The following TNFSF8 variants were observed in gnomAD, a reference collection of about 807,000 sequenced individuals.
TNFSF8 encodes the protein tumor necrosis factor ligand superfamily member 8.
In TNFSF8, 4 loss-of-function variants were observed where a neutral mutation model predicts 22.0. The observed-to-expected ratio is 0.18, with a 90% CI of 0.09 to 0.42. The LOEUF (loss-of-function observed/expected upper bound fraction) is 0.42, where lower values mean the gene tolerates loss of function less well. Ranked by LOEUF, TNFSF8 falls within the 10% of genes least tolerant of loss-of-function variation. The pLI, the probability that TNFSF8 is intolerant of heterozygous loss-of-function variation, is 1.00. For synonymous variants in TNFSF8, 106 were observed against 112.5 expected (o/e 0.94, Z 0.37); for missense variants, 233 against 281.8 (o/e 0.83, Z 1.24).
Position 114,904,409 on chromosome 9 carries a change from C to G in TNFSF8, c.311-84G>C, listed in dbSNP as rs1395796434. On this transcript the variant is annotated intron_variant, in intron 3 of 3. Coordinates refer to ENST00000223795, the MANE Select transcript of TNFSF8 (RefSeq NM_001244.4). ...AATTCTAAGTCTTTGTTCAAAGTTT[C>G]CCATTCAAGACCCATGTTTTCTGTA... 6.0e-6 allele frequency: 9 copies of G among 1,506,184 alleles called. 1 individual carries two copies. Among genetic ancestry groups the G allele is most frequent in the Non-Finnish European group, 7.1e-6 (8 of 1,131,420 alleles). The allele number at this position is 1,506,184 out of a possible 1,614,324, so 93.3% of individuals were successfully genotyped here.
chr9:114,903,985 G>C lies in TNFSF8; in HGVS notation c.651C>G (p.Ser217Arg), dbSNP rs748764288. 4 of 1,614,038 alleles carry C rather than the reference G, an allele frequency of 2.5e-6. No homozygotes were observed. Among genetic ancestry groups the C allele is most frequent in the African/African-American group, 2.7e-5 (2 of 75,052 alleles). Residue 217 changes from serine to arginine, a missense_variant, in exon 4 of 4, where the codon AGC becomes AGG. Transcript: ENST00000223795. Reference sequence around the variant, plus strand: ...ACAACACATTCTCAAGAGGAAAGGTGCTTGTATCTATGTACTGGAATGTAT... The same window carrying C: ...ACAACACATTCTCAAGAGGAAAGGTCCTTGTATCTATGTACTGGAATGTAT... ...NVDTFQYIDTSTFPLENVLSI... is the reference protein window; with the variant it reads ...NVDTFQYIDTRTFPLENVLSI...
intron 1 of TNFSF8, among the ~76,000 whole-genome samples, chr9:114,922,926 C>T (rs1044719584): frequency 2.0e-5 from 3 of 152,030 alleles, no homozygotes; most frequent in Admixed American, 1.3e-4. Context: ...TGTTGCCAGG[C>T]CATGGACCAC....
At chr9:114,929,889 ATAT>A (rs1564374135) in intron 1 of TNFSF8, among the ~76,000 whole-genome samples, 4 of 145,242 alleles carry the variant, frequency 2.8e-5, no homozygotes, top group African/African-American at 7.6e-5. Context: ...ATATATATAT[ATAT>A]AATATATACT....
chr9:114,901,496 T>C lies in TNFSF8; in HGVS notation c.*2435A>G. On this transcript the variant is annotated 3_prime_UTR_variant, in exon 4 of 4. Transcript: ENST00000223795. ...GTTGGTGAAAAATGAAAATGGAATC[T>C]TTCTCGAGTTAGAATGTGAGATGGC... 1 of 985,400 alleles carries C rather than the reference T, an allele frequency of 1.0e-6. No homozygotes were observed. The highest frequency in any genetic ancestry group is 1.2e-6 in the Non-Finnish European group (1 of 829,904). 61.0% of individuals were successfully genotyped at this position (985,400 alleles called of 1,614,324 possible). A position where few individuals can be genotyped will look rare whatever the true frequency, so the allele number is the denominator to read the frequency against.
rs1319214350 is a variant in TNFSF8, at chr9:114,901,157, T to A, written c.*2774A>T. On this transcript the variant is annotated 3_prime_UTR_variant, in exon 4 of 4. Coordinates refer to ENST00000223795, the MANE Select transcript of TNFSF8 (RefSeq NM_001244.4). ...TAGGTAGCCTGAGTTCCCAGTTAGA[T>A]AAATTATTTATTTTACTTGCATAGA... 4.1e-6 allele frequency: 4 copies of A among 985,186 alleles called. No homozygotes were observed. The highest frequency in any genetic ancestry group is 4.8e-6 in the Non-Finnish European group (4 of 829,860). The allele number at this position is 985,186 out of a possible 1,614,324, so 61.0% of individuals were successfully genotyped here.
At chr9:114,924,935 G>C (rs1828038005) in intron 1 of TNFSF8, among the ~76,000 whole-genome samples, 1 of 152,162 alleles carries the variant, frequency 6.6e-6, no homozygotes, top group South Asian at 2.1e-4. Context: ...GGATTTTTCT[G>C]GATTGCTAAA....
At position 114,904,031 on chromosome 9, in the gene TNFSF8, G is replaced by C. The variant is rs763067626; in HGVS notation, c.605C>G (p.Thr202Ser). 1 of 1,614,134 alleles carries C rather than the reference G, an allele frequency of 6.2e-7. No individual in the cohort carries two copies. The highest frequency in any genetic ancestry group is 1.7e-5 in the Admixed American group (1 of 60,028). ...QFLLDYLQVN[T>S]TISVNVDTFQ... ...TGTATCCACATTGACTGATATGGTGGTGTTGACCTGCAGGTAATCCAGCAA... is the reference window on the plus strand; with the variant it reads ...TGTATCCACATTGACTGATATGGTGCTGTTGACCTGCAGGTAATCCAGCAA... The change falls in exon 4 of 4, where the codon ACC becomes AGC. Residue 202 changes from threonine to serine, a missense_variant. Transcript: ENST00000223795.
intron 2 of TNFSF8, among the ~76,000 whole-genome samples, chr9:114,915,453 T>A (rs1018307392): frequency 6.6e-6 from 1 of 152,164 alleles, no homozygotes; most frequent in Admixed American, 6.5e-5. Context: ...TACTACAGTG[T>A]CTCTGCAGAT....
intron 2 of TNFSF8, among the ~76,000 whole-genome samples, chr9:114,909,563 T>C (rs891609794): frequency 6.6e-6 from 1 of 152,178 alleles, no homozygotes; most frequent in Non-Finnish European, 1.5e-5. Flanking sequence ...ACCAACATAA[T>C]AGATGAAGAG....
At chr9:114,918,001 C>T (rs921053420) in intron 2 of TNFSF8, 95 bp downstream of exon 2, 3 of 1,299,066 alleles carry the variant, frequency 2.3e-6, no homozygotes, top group Non-Finnish European at 3.2e-6. Flanking sequence ...TGGGTCATGT[C>T]ATAGAGTTGT....
At chr9:114,905,651 C>T (rs549038478) in intron 3 of TNFSF8, among the ~76,000 whole-genome samples, 177 bp downstream of exon 3, 1 of 152,316 alleles carries the variant, frequency 6.6e-6, no homozygotes, top group South Asian at 2.1e-4. Context: ...GAATGACGCT[C>T]TCCCCGCTAA....
At chr9:114,921,992 C>T (rs1827994676) in intron 1 of TNFSF8, among the ~76,000 whole-genome samples, 1 of 152,186 alleles carries the variant, frequency 6.6e-6, no homozygotes, top group Non-Finnish European at 1.5e-5. Context: ...AAATGACCCC[C>T]ATCCCAACCA....
chr9:114,922,374 C>T (rs1827999196), intron 1 of TNFSF8, among the ~76,000 whole-genome samples: 1 of 152,176 alleles, frequency 6.6e-6, no homozygotes. Context: ...GGCTCTGGCT[C>T]ATGGCCCAAA....
chr9:114,896,431 C>T (rs1469524669), downstream of TNFSF8, among the ~76,000 whole-genome samples: 3 of 152,108 alleles, frequency 2.0e-5, no homozygotes, highest in Non-Finnish European at 4.4e-5. Flanking sequence ...TTTCAGGATT[C>T]TAAGGTATAC....
At chr9:114,912,041 G>A (rs528452263) in intron 2 of TNFSF8, among the ~76,000 whole-genome samples, 33 of 152,176 alleles carry the variant, frequency 2.2e-4, no homozygotes, top group Non-Finnish European at 3.7e-4. Context: ...TAGAAAGTTC[G>A]TTTTGGGTTC....
chr9:114,893,857 G>C (rs562468454), exon 5 of TNFSF8: 2 of 509,138 alleles, frequency 3.9e-6, no homozygotes, highest in South Asian at 2.4e-5. Context: ...TGAGTAGGGG[G>C]TGGTCAGACT....
At chr9:114,898,345 T>C (rs952487889), downstream of TNFSF8, among the ~76,000 whole-genome samples, 1 of 152,108 alleles carries the variant, frequency 6.6e-6, no homozygotes, top group African/African-American at 2.4e-5. Context: ...ATTAAATAAG[T>C]GAGTGCAGGA....
intron 4 of TNFSF8, chr9:114,894,249 A>C: frequency 8.5e-7 from 1 of 1,174,936 alleles, no homozygotes; most frequent in Non-Finnish European, 1.2e-6. Flanking sequence ...AGAAGCCCAC[A>C]GTTTAGCAGG....
At position 114,918,976 on chromosome 9, in the gene TNFSF8, C is replaced by A. The variant is rs147849314; in HGVS notation, c.196-838G>T. Among the ~76,000 whole-genome samples, 5 of 151,452 alleles carry A rather than the reference C, an allele frequency of 3.3e-5. No individual in the cohort carries two copies. The East Asian group carries it at 9.7e-4, about 29-fold the overall frequency. On this transcript the variant is annotated intron_variant, in intron 1 of 3. Transcript: ENST00000223795. ...GGTGTTTTTTTCTTTTTTTTTCCTT[C>A]TGGTCAACATGAGAATAATCAAGTA...
Sources: gnomAD v4.1 joint callset for allele counts (sites outside exome capture counted in the v4.1 genomes callset) on GRCh38, gnomAD v4.1.1 for gene constraint, MANE v1.5 for transcripts, NCBI Gene and HGNC (gene_info 2026-07-23, HGNC 2026-07-21) for gene names.